The following EZR variants were observed in gnomAD, a reference collection of about 807,000 sequenced individuals.
EZR encodes the protein cytovillin 2.
In EZR, 40 loss-of-function variants were observed where a neutral mutation model predicts 74.8. The observed-to-expected ratio is 0.53, with a 90% CI of 0.42 to 0.70. The LOEUF (loss-of-function observed/expected upper bound fraction) is 0.70. Among genes scored for constraint, EZR ranks in the 30% least tolerant of loss-of-function variants. EZR has a pLI of 0.00. For synonymous variants in EZR, 341 were observed against 283.3 expected (o/e 1.20, Z -2.05); for missense variants, 678 against 755.8 (o/e 0.90, Z 1.21).
At chr6:158,812,197 A>G (rs1777464232) in intron 2 of EZR, among the ~76,000 whole-genome samples, 1 of 152,148 alleles carries the variant, frequency 6.6e-6, no homozygotes, top group South Asian at 2.1e-4. Flanking sequence ...CCTAGCCCCT[A>G]TTCGAGTCCC....
At chr6:158,781,083 C>T (rs1791421029) in intron 7 of EZR, among the ~76,000 whole-genome samples, 1 of 152,120 alleles carries the variant, frequency 6.6e-6, no homozygotes, top group East Asian at 1.9e-4. Context: ...AGCTTTCTCA[C>T]CTGAACAATG....
chr6:158,785,651 C>G, intron 4 of EZR, 68 bp from the exon 5 acceptor site: 1 of 1,577,846 alleles, frequency 6.3e-7, no homozygotes, highest in South Asian at 1.2e-5. Flanking sequence ...CCAACACAGG[C>G]TTCTAACCAA....
chr6:158,772,697 GAA>G (rs762214854), intron 8 of EZR, among the ~76,000 whole-genome samples: 66 of 152,316 alleles, frequency 4.3e-4, no homozygotes, highest in Admixed American at 7.2e-4. Context: ...AAACTCCCAT[GAA>G]AAGTTATTTT....
chr6:158,782,108 C>T (rs569286363), intron 7 of EZR, among the ~76,000 whole-genome samples: 14 of 152,178 alleles, frequency 9.2e-5, no homozygotes, highest in African/African-American at 2.9e-4. Flanking sequence ...GGAGTAGGAG[C>T]GAACCGAGAG....
At chr6:158,782,819 G>C (rs1791468771) in intron 7 of EZR, among the ~76,000 whole-genome samples, 1 of 152,286 alleles carries the variant, frequency 6.6e-6, no homozygotes, top group East Asian at 1.9e-4. Flanking sequence ...CAGAATCTAG[G>C]ATTATGCTGA....
intron 8 of EZR, among the ~76,000 whole-genome samples, chr6:158,772,176 C>T (rs1791131667): frequency 6.6e-6 from 1 of 152,270 alleles, no homozygotes; most frequent in Admixed American, 6.5e-5. Flanking sequence ...CAGCATCTCA[C>T]TCCTATGAGG....
intron 3 of EZR, among the ~76,000 whole-genome samples, chr6:158,788,709 A>T (rs906394192): frequency 6.6e-6 from 1 of 152,016 alleles, no homozygotes; most frequent in Non-Finnish European, 1.5e-5. Flanking sequence ...AAAAGTATTT[A>T]ATAAGTAAGT....
chr6:158,785,881 TACA>T (rs1791566384), intron 4 of EZR, among the ~76,000 whole-genome samples: 1 of 152,040 alleles, frequency 6.6e-6, no homozygotes, highest in East Asian at 1.9e-4. Flanking sequence ...ATCCCATCTC[TACA>T]ACATTTTTTA....
At chr6:158,790,779 T>C (rs3123119) in intron 2 of EZR, among the ~76,000 whole-genome samples, 115,694 of 152,174 alleles carry the variant, frequency 0.76, 45,612 homozygotes, top group African/African-American at 0.85. Flanking sequence ...TTTACTAAAG[T>C]GTATGAAAAA....
intron 8 of EZR, among the ~76,000 whole-genome samples, chr6:158,773,703 C>T (rs564358181): frequency 1.8e-4 from 27 of 152,322 alleles, no homozygotes; most frequent in African/African-American, 6.0e-4. Flanking sequence ...AGGAGGCAGC[C>T]GCGGGAGGCA....
rs779676334 is a variant in EZR, at chr6:158,785,331, A to C, written c.445T>G (p.Ser149Ala). The change falls in exon 5 of 14, where the codon TCT (serine) becomes GCT (alanine). Residue 149 changes from serine (S) to alanine (A), a missense_variant. Ser to Ala is a moderately conservative substitution (Grantham distance 99). This residue lies in a region of EZR where 217 missense variants were observed against 232.2 expected (regional missense o/e 0.93). Transcript: ENST00000367075. Reference sequence around the variant, plus strand: ...CACCTTTGAGGGATCAGCCGCTCAGAGCTGAGGTACCCAGACTTGTGCACT... The same window carrying C: ...CACCTTTGAGGGATCAGCCGCTCAGCGCTGAGGTACCCAGACTTGTGCACT... Reference protein sequence around the residue: ...KEVHKSGYLSSERLIPQRVMD... With the variant: ...KEVHKSGYLSAERLIPQRVMD... The C allele has an allele frequency of 3.1e-6, 5 of 1,614,126 alleles. No homozygotes were observed. The highest frequency in any genetic ancestry group is 3.3e-5 in the Admixed American group (2 of 60,028).
chr6:158,781,500 G>A (rs1166589533), intron 7 of EZR, among the ~76,000 whole-genome samples: 1 of 152,114 alleles, frequency 6.6e-6, no homozygotes, highest in African/African-American at 2.4e-5. Context: ...ACGTGGGCTG[G>A]GGCAGTTACA....
At chr6:158,807,888 A>G (rs1431732450) in intron 2 of EZR, among the ~76,000 whole-genome samples, 1 of 152,176 alleles carries the variant, frequency 6.6e-6, no homozygotes, top group Non-Finnish European at 1.5e-5. Flanking sequence ...GCATTTTGCC[A>G]TTGAGGAAAG....
chr6:158,766,681 G>A lies in EZR; in HGVS notation c.*233C>T, dbSNP rs1790870846. On this transcript the variant is annotated 3_prime_UTR_variant, in exon 14 of 14. Transcript: ENST00000367075. ...TCCTGCTCCCAGCACAACACAGGAG[G>A]TGATTCGAGAATAATCGCGAGAATC... is the stretch of plus-strand genomic sequence containing the variant. The A allele has an allele frequency of 7.1e-6, 4 of 567,084 alleles. No homozygotes were observed. Among genetic ancestry groups the A allele is most frequent in the Middle Eastern group, 4.7e-4 (1 of 2,118 alleles). 35.1% of individuals were successfully genotyped at this position (567,084 alleles called of 1,614,324 possible). A position where few individuals can be genotyped will look rare whatever the true frequency, so the allele number is the denominator to read the frequency against.
chr6:158,802,584 T>C (rs963450440), intron 2 of EZR, among the ~76,000 whole-genome samples: 1 of 152,166 alleles, frequency 6.6e-6, no homozygotes, highest in Non-Finnish European at 1.5e-5. Context: ...CAGGCTGGAG[T>C]GCAGTGGCGC....
At chr6:158,786,394 CA>C (rs1241653420) in intron 4 of EZR, among the ~76,000 whole-genome samples, 1 of 152,168 alleles carries the variant, frequency 6.6e-6, no homozygotes, top group Non-Finnish European at 1.5e-5. Flanking sequence ...CAACAAAAAA[CA>C]AACAAGTACT....
At position 158,818,754 on chromosome 6, in the gene EZR, G is replaced by C. The variant is rs996923566; in HGVS notation, c.-74+563C>G. Among the ~76,000 whole-genome samples, 4 of 150,436 alleles carry C rather than the reference G, an allele frequency of 2.7e-5. No homozygotes were observed. The East Asian group carries it at 8.1e-4, about 30-fold the overall frequency. ...CTGGGAGAGAGAGGGCGAGGGGCAG[G>C]AGGAACACCTAGGAGGAAGGAGTCC... On this transcript the variant is annotated intron_variant, in intron 1 of 13. Transcript: ENST00000367075.
chr6:158,810,603 AAC>A (rs926560313), intron 2 of EZR, among the ~76,000 whole-genome samples: 6 of 152,240 alleles, frequency 3.9e-5, no homozygotes, highest in Non-Finnish European at 8.8e-5. Flanking sequence ...TTCCGACTAG[AAC>A]ACACAGAGAG....
Position 158,819,350 on chromosome 6 carries a change from G to A in EZR, c.-107C>T, listed in dbSNP as rs150097971. ...TGCAGTGCTCCGTGTGCTCCCCGCC[G>A]CCCTTGCGTCCGCCGAGTGCGCTCG... On this transcript the variant is annotated 5_prime_UTR_variant, in exon 1 of 14. Coordinates refer to ENST00000367075, the MANE Select transcript of EZR (RefSeq NM_001111077.2). 0.026 allele frequency: 4,018 copies of A among 152,676 alleles called. 72 individuals carry two copies. Among genetic ancestry groups the A allele is most frequent in the South Asian group, 0.057 (298 of 5,220 alleles). The allele number at this position is 152,676 out of a possible 1,614,324, so 9.5% of individuals were successfully genotyped here. A position where few individuals can be genotyped will look rare whatever the true frequency, so the allele number is the denominator to read the frequency against.
Sources: gnomAD v4.1 joint callset for allele counts (sites outside exome capture counted in the v4.1 genomes callset) on GRCh38, gnomAD v4.1.1 for gene constraint, gnomAD v4.1.1 regional missense constraint, MANE v1.5 for transcripts, NCBI Gene and HGNC (gene_info 2026-07-23, HGNC 2026-07-21) for gene names.